The following STAG1 variants were observed in gnomAD, a reference collection of about 807,000 sequenced individuals.
STAG1 encodes STAG1 cohesin complex component.
STAG1 carries 26 observed loss-of-function variants against 170.9 expected under a neutral mutation model. The ratio of observed to expected loss-of-function variants is 0.15; its 90% confidence interval spans 0.11 to 0.21. STAG1 has a LOEUF of 0.21. Among genes scored for constraint, STAG1 ranks in the 10% least tolerant of loss-of-function variants. The pLI, the probability that STAG1 is intolerant of heterozygous loss-of-function variation, is 1.00. For synonymous variants in STAG1, 514 were observed against 497.7 expected (o/e 1.03, Z -0.44); for missense variants, 964 against 1,509.5 (o/e 0.64, Z 5.99).
chr3:136,490,525 C>T (rs929869497), intron 9 of STAG1, among the ~76,000 whole-genome samples: 1 of 152,074 alleles, frequency 6.6e-6, no homozygotes, highest in African/African-American at 2.4e-5. Flanking sequence ...TTACTATTAA[C>T]AGAATTTTAG....
intron 23 of STAG1, among the ~76,000 whole-genome samples, chr3:136,375,993 T>TAATTAACA (rs1278598720): frequency 1.2e-4 from 8 of 69,088 alleles, no homozygotes; most frequent in East Asian, 2.9e-3. Context: ...AATAAATAAA[T>TAATTAACA]AAATAAATAA....
chr3:136,619,802 C>T (rs1318912198), intron 3 of STAG1, among the ~76,000 whole-genome samples: 1 of 149,290 alleles, frequency 6.7e-6, no homozygotes, highest in Non-Finnish European at 1.5e-5. Context: ...GTAGCGGTTC[C>T]TGCCTGTAAT....
intron 6 of STAG1, among the ~76,000 whole-genome samples, chr3:136,541,013 T>C (rs1033113416): frequency 6.6e-6 from 1 of 152,068 alleles, no homozygotes; most frequent in African/African-American, 2.4e-5. Context: ...AGTTAATTCT[T>C]GGCTTTCTGT....
intron 6 of STAG1, among the ~76,000 whole-genome samples, chr3:136,532,787 C>T (rs1410431790): frequency 6.6e-6 from 1 of 152,142 alleles, no homozygotes; most frequent in Non-Finnish European, 1.5e-5. Context: ...AAAGTTCATA[C>T]ATGACAAACT....
At chr3:136,748,941 G>A (rs1419751853) in intron 1 of STAG1, among the ~76,000 whole-genome samples, 2 of 152,144 alleles carry the variant, frequency 1.3e-5, no homozygotes, top group African/African-American at 4.8e-5. Flanking sequence ...ATATAAGTAA[G>A]AGTAAGCTGA....
chr3:136,423,549 A>G (rs574392382), intron 16 of STAG1, among the ~76,000 whole-genome samples: 1 of 152,370 alleles, frequency 6.6e-6, no homozygotes, highest in African/African-American at 2.4e-5. Context: ...ATCAAGAAAA[A>G]AGAGTATAGT....
At chr3:136,379,314 TG>T (rs1366007497) in intron 22 of STAG1, among the ~76,000 whole-genome samples, 1 of 152,106 alleles carries the variant, frequency 6.6e-6, no homozygotes, top group Non-Finnish European at 1.5e-5. Context: ...AAAGTAGTCA[TG>T]GAAGAGTTCC....
rs115139195 is a variant in STAG1 at position 136,544,388 on chromosome 3, A to G, written c.395-2193T>C. On this transcript the variant is annotated intron_variant, in intron 5 of 33. Transcript: ENST00000383202. ...CCAACTAGGTACACAAGTACACAGA[A>G]GACTGAAAGTAGACAGAACTTTACT... Among the ~76,000 whole-genome samples, 282 of 152,324 alleles carry G rather than the reference A, an allele frequency of 1.9e-3. 1 individual carries two copies. The highest frequency in any genetic ancestry group is 6.4e-3 in the African/African-American group (267 of 41,570).
intron 2 of STAG1, among the ~76,000 whole-genome samples, chr3:136,628,221 G>GT (rs984125936): frequency 3.3e-5 from 5 of 151,982 alleles, no homozygotes; most frequent in African/African-American, 4.8e-5. Flanking sequence ...TGTGAAGAAG[G>GT]TGCTTGCTTC....
At chr3:136,547,118 T>C (rs946531449) in intron 5 of STAG1, among the ~76,000 whole-genome samples, 4 of 152,218 alleles carry the variant, frequency 2.6e-5, no homozygotes, top group South Asian at 2.1e-4. Context: ...TGAATTCCTA[T>C]AGCATTTTTA....
chr3:136,340,839 AT>A (rs1473163460), intron 31 of STAG1, among the ~76,000 whole-genome samples: 2 of 151,998 alleles, frequency 1.3e-5, no homozygotes. Context: ...GGTTGTTAAC[AT>A]TTATTTATGT....
chr3:136,470,070 C>G (rs2089584235), intron 12 of STAG1, among the ~76,000 whole-genome samples: 1 of 152,184 alleles, frequency 6.6e-6, no homozygotes, highest in Non-Finnish European at 1.5e-5. Flanking sequence ...AGGACATAGG[C>G]ATGGGCAAGG....
chr3:136,474,820 T>A (rs1182860951), intron 10 of STAG1, among the ~76,000 whole-genome samples: 1 of 152,186 alleles, frequency 6.6e-6, no homozygotes, highest in African/African-American at 2.4e-5. Flanking sequence ...AATGGTTCAA[T>A]ATCTCTATCT....
At chr3:136,411,072 G>C (rs149168355) in intron 21 of STAG1, among the ~76,000 whole-genome samples, 1 of 152,152 alleles carries the variant, frequency 6.6e-6, no homozygotes, top group African/African-American at 2.4e-5. Flanking sequence ...TTGTATGTAA[G>C]AGCAAAATAA....
intron 16 of STAG1, among the ~76,000 whole-genome samples, chr3:136,432,681 A>G (rs572395897): frequency 1.4e-4 from 21 of 151,844 alleles, no homozygotes; most frequent in Non-Finnish European, 2.6e-4. Context: ...TCATTTTTGT[A>G]TTTTTAGTAG....
intron 3 of STAG1, among the ~76,000 whole-genome samples, chr3:136,617,056 A>T (rs915857061): frequency 1.3e-5 from 2 of 152,042 alleles, no homozygotes; most frequent in African/African-American, 2.4e-5. Context: ...ATTTAGGATT[A>T]AAAAAAACAA....
chr3:136,588,680 T>C (rs1576638077), intron 4 of STAG1, among the ~76,000 whole-genome samples: 1 of 151,414 alleles, frequency 6.6e-6, no homozygotes, highest in Admixed American at 6.6e-5. Context: ...CAGGCTGGAG[T>C]GCAGTGGCGC....
intron 2 of STAG1, among the ~76,000 whole-genome samples, chr3:136,623,859 G>A (rs868745977): frequency 6.4e-4 from 98 of 152,082 alleles, no homozygotes; most frequent in African/African-American, 2.3e-3. Flanking sequence ...GGAGGTTGAG[G>A]GAGGGGAATC....
chr3:136,621,829 T>G (rs1939863785), intron 3 of STAG1, among the ~76,000 whole-genome samples: 1 of 151,968 alleles, frequency 6.6e-6, no homozygotes, highest in African/African-American at 2.4e-5. Context: ...TTAAGCAACA[T>G]AACCATCAGT....
Sources: gnomAD v4.1 joint callset for allele counts (sites outside exome capture counted in the v4.1 genomes callset) on GRCh38, gnomAD v4.1.1 for gene constraint, MANE v1.5 for transcripts, NCBI Gene and HGNC (gene_info 2026-07-23, HGNC 2026-07-21) for gene names.